Variants in RIT2 observed in about 807,000 individuals in gnomAD.
The protein encoded by RIT2 is GTP-binding protein Rit2.
RIT2 carries 24 observed loss-of-function variants against 23.7 expected under a neutral mutation model. The ratio of observed to expected loss-of-function variants is 1.01; its 90% CI spans 0.73 to 1.43. The LOEUF (loss-of-function observed/expected upper bound fraction) is 1.43. Ranked by LOEUF, RIT2 falls within the 40% of genes most tolerant of loss-of-function variation. The probability of loss-of-function intolerance (pLI) is 0.00; values close to 1 mark genes in which losing one functional copy is unlikely to be tolerated. For missense variants in RIT2, 236 were observed against 266.9 expected (o/e 0.88, Z 0.81); for synonymous variants, 107 against 91.1 (o/e 1.17, Z -0.99).
At chr18:42,846,703 T>C (rs1291646496) in intron 4 of RIT2, among the ~76,000 whole-genome samples, 1 of 152,048 alleles carries the variant, frequency 6.6e-6, no homozygotes, top group South Asian at 2.1e-4. Flanking sequence ...ATTATATCAA[T>C]AGATGCAAAA....
chr18:42,984,711 C>T (rs1910670554), intron 2 of RIT2, among the ~76,000 whole-genome samples: 2 of 151,710 alleles, frequency 1.3e-5, no homozygotes, highest in South Asian at 2.1e-4. Flanking sequence ...TATCAGTATC[C>T]ACTTATGTTT....
At chr18:42,756,242 G>A (rs1913160903) in intron 4 of RIT2, among the ~76,000 whole-genome samples, 1 of 152,196 alleles carries the variant, frequency 6.6e-6, no homozygotes, top group Admixed American at 6.6e-5. Flanking sequence ...CTCTGGAAAT[G>A]TAATAGGATT....
At chr18:42,855,201 G>A (rs1028426629) in intron 4 of RIT2, among the ~76,000 whole-genome samples, 4 of 152,106 alleles carry the variant, frequency 2.6e-5, no homozygotes, top group South Asian at 2.1e-4. Flanking sequence ...CAGTTTTTAC[G>A]TTCTTGAGAT....
chr18:42,865,564 A>T (rs1568016230), intron 4 of RIT2, among the ~76,000 whole-genome samples: 1 of 152,204 alleles, frequency 6.6e-6, no homozygotes, highest in Non-Finnish European at 1.5e-5. Flanking sequence ...GCCCTTTAAC[A>T]GGACAACAAG....
At chr18:42,758,103 A>G (rs1474116302) in intron 4 of RIT2, among the ~76,000 whole-genome samples, 1 of 151,850 alleles carries the variant, frequency 6.6e-6, no homozygotes, top group African/African-American at 2.4e-5. Context: ...TCAGAAAAAT[A>G]TTCAAGTCTC....
At chr18:43,011,548 T>A (rs1568055204) in intron 2 of RIT2, among the ~76,000 whole-genome samples, 1 of 151,906 alleles carries the variant, frequency 6.6e-6, no homozygotes, top group South Asian at 2.1e-4. Context: ...GAAATTAAAA[T>A]TATTAAATTC....
chr18:42,883,096 T>C (rs1907935049), intron 4 of RIT2, among the ~76,000 whole-genome samples: 1 of 151,944 alleles, frequency 6.6e-6, no homozygotes, highest in Non-Finnish European at 1.5e-5. Flanking sequence ...GAATTGCAAA[T>C]AAAGAAATAA....
intron 4 of RIT2, among the ~76,000 whole-genome samples, chr18:42,778,241 C>A (rs997932936): frequency 4.6e-5 from 7 of 152,160 alleles, no homozygotes; most frequent in African/African-American, 1.7e-4. Context: ...CATTTCCTCT[C>A]TTATAGTGTC....
intron 4 of RIT2, among the ~76,000 whole-genome samples, chr18:42,824,793 A>C (rs1316450686): frequency 6.6e-6 from 1 of 151,288 alleles, no homozygotes; most frequent in Non-Finnish European, 1.5e-5. Flanking sequence ...GTGTTTAATT[A>C]TGAGAGAAAA....
At chr18:43,028,711 C>G (rs937635784) in intron 2 of RIT2, among the ~76,000 whole-genome samples, 2 of 151,934 alleles carry the variant, frequency 1.3e-5, no homozygotes, top group African/African-American at 4.8e-5. Flanking sequence ...TCCCTGTAGA[C>G]CATGGCTCTG....
intron 4 of RIT2, among the ~76,000 whole-genome samples, chr18:42,904,377 T>A (rs759574157): frequency 6.6e-6 from 1 of 152,104 alleles, no homozygotes; most frequent in African/African-American, 2.4e-5. Flanking sequence ...TAGGGTCCCA[T>A]AAGTCTTTGC....
chr18:42,818,518 G>A (rs1200587151), intron 4 of RIT2, among the ~76,000 whole-genome samples: 1 of 152,004 alleles, frequency 6.6e-6, no homozygotes, highest in African/African-American at 2.4e-5. Context: ...CATCAACTAA[G>A]TCTTTGCAGA....
intron 2 of RIT2, among the ~76,000 whole-genome samples, chr18:43,006,915 A>G (rs1345981261): frequency 2.6e-5 from 4 of 151,502 alleles, no homozygotes; most frequent in Non-Finnish European, 4.4e-5. Context: ...TGCTTTATAC[A>G]ATTATTGGAC....
intron 1 of RIT2, among the ~76,000 whole-genome samples, chr18:43,100,233 G>T (rs562557930): frequency 6.6e-6 from 1 of 152,176 alleles, no homozygotes; most frequent in East Asian, 1.9e-4. Context: ...GCTTGAAAAA[G>T]ATAGAGTAAG....
intron 1 of RIT2, among the ~76,000 whole-genome samples, chr18:43,089,751 T>A (rs1456971947): frequency 6.6e-6 from 1 of 151,954 alleles, no homozygotes; most frequent in Admixed American, 6.6e-5. Context: ...TACAACTATC[T>A]CATCTTTGGC....
chr18:42,793,164 C>G (rs958863089), intron 4 of RIT2, among the ~76,000 whole-genome samples: 3 of 152,148 alleles, frequency 2.0e-5, no homozygotes, highest in Non-Finnish European at 4.4e-5. Flanking sequence ...AGTAGTAATA[C>G]AAGTGGCTCT....
At chr18:42,827,360 G>A (rs1446312176) in intron 4 of RIT2, among the ~76,000 whole-genome samples, 1 of 151,872 alleles carries the variant, frequency 6.6e-6, no homozygotes. Context: ...TTAATTATTA[G>A]GAAATATAAA....
At chr18:43,058,941 T>G (rs1412890632) in intron 1 of RIT2, among the ~76,000 whole-genome samples, 3 of 152,036 alleles carry the variant, frequency 2.0e-5, no homozygotes, top group Non-Finnish European at 2.9e-5. Flanking sequence ...TTGAGCCTAT[T>G]ACTAATATTG....
At chr18:43,109,344 C>T (rs1487778397) in intron 1 of RIT2, among the ~76,000 whole-genome samples, 1 of 152,074 alleles carries the variant, frequency 6.6e-6, no homozygotes, top group East Asian at 1.9e-4. Flanking sequence ...TGTTGTGTAA[C>T]TTTTTCACAG....
Sources: gnomAD v4.1 joint callset for allele counts (sites outside exome capture counted in the v4.1 genomes callset) on GRCh38, gnomAD v4.1.1 for gene constraint, MANE v1.5 for transcripts, NCBI Gene and HGNC (gene_info 2026-07-23, HGNC 2026-07-21) for gene names.